The following GRHL2 variants were observed in gnomAD, a reference collection of about 807,000 sequenced individuals.
GRHL2 encodes the protein grainyhead like transcription factor 2, also known as grainyhead-like protein 2 homolog.
A neutral mutation model predicts 83.8 loss-of-function variants in GRHL2; 21 were observed. The ratio of observed to expected loss-of-function variants is 0.25; its 90% CI spans 0.18 to 0.36. GRHL2 has a LOEUF of 0.36. GRHL2 is among the 10% of genes least tolerant of loss of function. GRHL2 has a pLI of 1.00. For synonymous variants in GRHL2, 280 were observed against 278.9 expected (o/e 1.00, Z -0.04); for missense variants, 623 against 781.8 (o/e 0.80, Z 2.42).
chr8:101,551,638 A>T (rs1403986101), intron 2 of GRHL2, among the ~76,000 whole-genome samples: 1 of 151,580 alleles, frequency 6.6e-6, no homozygotes, highest in Non-Finnish European at 1.5e-5. Context: ...AAAGAAAGAA[A>T]GAAAGAAAAA....
chr8:101,589,237 G>A (rs556576527), intron 7 of GRHL2, among the ~76,000 whole-genome samples: 4 of 152,276 alleles, frequency 2.6e-5, no homozygotes, highest in East Asian at 1.9e-4. Context: ...GAAACTGCCA[G>A]GTACTTTTGT....
intron 1 of GRHL2, 141 bp from the exon 2 acceptor site, chr8:101,543,094 CACTTTA>C: frequency 1.4e-6 from 1 of 702,448 alleles, no homozygotes; most frequent in Non-Finnish European, 2.5e-6. Flanking sequence ...CAGTAGTTGT[CACTTTA>C]ACTTTAAACT....
chr8:101,623,069 C>T (rs1812996270), intron 9 of GRHL2, among the ~76,000 whole-genome samples: 1 of 152,260 alleles, frequency 6.6e-6, no homozygotes, highest in Non-Finnish European at 1.5e-5. Flanking sequence ...GGTGTATGTA[C>T]TGTTAACATG....
At chr8:101,598,746 C>T (rs1488607898) in intron 7 of GRHL2, among the ~76,000 whole-genome samples, 2 of 151,574 alleles carry the variant, frequency 1.3e-5, no homozygotes, top group South Asian at 2.1e-4. Flanking sequence ...GGGTAGGTGA[C>T]GTAGGGCTTG....
chr8:101,516,349 C>T (rs1003463304), intron 1 of GRHL2, among the ~76,000 whole-genome samples: 1 of 151,636 alleles, frequency 6.6e-6, no homozygotes, highest in African/African-American at 2.4e-5. Context: ...GTAGTTTCCC[C>T]TACTCTTCTC....
In GRHL2 at chr8:101,558,567, G is replaced by A. The variant is rs1811535556; in HGVS notation, c.433G>A (p.Glu145Lys). Residue 145 changes from glutamate (E) to lysine (K), a missense_variant, in exon 4 of 16, where the codon GAG becomes AAG. By Grantham distance (56) the Glu-to-Lys change is moderately conservative. Transcript: ENST00000646743. ...GGAACAGTACAGCATCAGCTTCCCC[G>A]AGAGCTCTGCCATCATCCCGGTGTC... ...KREQYSISFP[E>K]SSAIIPVSGI... is the part of the protein sequence containing the mutation. 6.2e-7 allele frequency: 1 copy of A among 1,614,070 alleles called. No homozygotes were observed. Among genetic ancestry groups the A allele is most frequent in the Non-Finnish European group, 8.5e-7 (1 of 1,180,026 alleles).
intron 1 of GRHL2, among the ~76,000 whole-genome samples, chr8:101,536,930 AC>A (rs918582008): frequency 2.9e-5 from 4 of 139,306 alleles, no homozygotes; most frequent in African/African-American, 1.1e-4. Context: ...CCCTCCCCTC[AC>A]CCCCCGCCCT....
At chr8:101,616,119 CTTTCTTTCTT>C (rs1172732297) in intron 8 of GRHL2, among the ~76,000 whole-genome samples, 1 of 143,406 alleles carries the variant, frequency 7.0e-6, no homozygotes, top group Non-Finnish European at 1.5e-5. Flanking sequence ...CTTTCTTCCT[CTTTCTTTCTT>C]TTTCTTTCTT....
chr8:101,666,783 C>A lies in GRHL2; in HGVS notation c.*80C>A. 1.2e-6 allele frequency: 1 copy of A among 864,850 alleles called. No homozygotes were observed. Among genetic ancestry groups the A allele is most frequent in the South Asian group, 1.4e-5 (1 of 72,656 alleles). 53.6% of individuals were successfully genotyped at this position (864,850 alleles called of 1,614,324 possible). On this transcript the variant is annotated 3_prime_UTR_variant, in exon 16 of 16. Coordinates refer to ENST00000646743, the MANE Select transcript of GRHL2 (RefSeq NM_024915.4). Reference sequence around the variant, plus strand: ...GAGACAGAAGCCCCAGCCCCAGAACCTGGAGACCCATCTCCCCCATCTCAC... The same window carrying A: ...GAGACAGAAGCCCCAGCCCCAGAACATGGAGACCCATCTCCCCCATCTCAC...
At chr8:101,609,506 C>G (rs1369468652) in intron 8 of GRHL2, among the ~76,000 whole-genome samples, 1 of 150,996 alleles carries the variant, frequency 6.6e-6, no homozygotes, top group Non-Finnish European at 1.5e-5. Flanking sequence ...TTAAAGAAAG[C>G]AATTTCAGAA....
chr8:101,497,904 ATGT>A (rs1190442295), intron 1 of GRHL2, among the ~76,000 whole-genome samples: 1 of 152,164 alleles, frequency 6.6e-6, no homozygotes, highest in African/African-American at 2.4e-5. Context: ...CCTGCCCTAG[ATGT>A]TGTTTGCTTT....
At chr8:101,529,960 G>A (rs1810889815) in intron 1 of GRHL2, among the ~76,000 whole-genome samples, 1 of 152,168 alleles carries the variant, frequency 6.6e-6, no homozygotes, top group African/African-American at 2.4e-5. Context: ...CTTTGTGGCA[G>A]TTTGAAGTTA....
the GRHL2 span, among the ~76,000 whole-genome samples, chr8:101,677,290 T>G: frequency 1.3e-5 from 2 of 152,042 alleles, no homozygotes; most frequent in African/African-American, 4.8e-5. Context: ...ACACCCCTCA[T>G]AGACCACTGA....
At chr8:101,552,554 C>T (rs1296940148) in intron 2 of GRHL2, among the ~76,000 whole-genome samples, 161 bp from the exon 3 acceptor site, 1 of 152,244 alleles carries the variant, frequency 6.6e-6, no homozygotes, top group Non-Finnish European at 1.5e-5. Context: ...ATCATTGTCA[C>T]TCAGGCTACT....
intron 1 of GRHL2, chr8:101,528,964 A>C: frequency 3.1e-6 from 1 of 322,648 alleles, no homozygotes; most frequent in South Asian, 2.6e-5. Context: ...GCTCACGGGT[A>C]CATGGACTTG....
At chr8:101,585,033 G>A (rs998087241) in intron 7 of GRHL2, among the ~76,000 whole-genome samples, 1 of 152,052 alleles carries the variant, frequency 6.6e-6, no homozygotes, top group Non-Finnish European at 1.5e-5. Context: ...GTGGCTAGCT[G>A]GCCAGGTAGC....
intron 7 of GRHL2, among the ~76,000 whole-genome samples, chr8:101,585,086 G>A (rs1180748983): frequency 1.3e-5 from 2 of 152,262 alleles, no homozygotes; most frequent in Non-Finnish European, 2.9e-5. Context: ...CAAGTGGCCA[G>A]GTGGCCAGGT....
At chr8:101,577,589 C>A in intron 7 of GRHL2, 70 bp downstream of exon 7, 12 of 1,016,786 alleles carry the variant, frequency 1.2e-5, no homozygotes, top group Non-Finnish European at 1.5e-5. Flanking sequence ...CAAGGGGAGC[C>A]TGGCGTAGTA....
intron 1 of GRHL2, among the ~76,000 whole-genome samples, chr8:101,517,922 A>G (rs1482394088): frequency 3.9e-5 from 6 of 152,174 alleles, no homozygotes; most frequent in African/African-American, 1.4e-4. Context: ...ACCAGATAGA[A>G]GAGACAGGCA....
Sources: gnomAD v4.1 joint callset for allele counts (sites outside exome capture counted in the v4.1 genomes callset) on GRCh38, gnomAD v4.1.1 for gene constraint, MANE v1.5 for transcripts, NCBI Gene and HGNC (gene_info 2026-07-23, HGNC 2026-07-21) for gene names.